Variants in FAM227A observed in about 807,000 individuals in gnomAD.
The protein encoded by FAM227A is family with sequence similarity 227 member A.
In FAM227A, 80 loss-of-function variants were observed where a neutral mutation model predicts 74.7. The observed-to-expected ratio is 1.07, with a 90% confidence interval of 0.89 to 1.29. FAM227A has a LOEUF of 1.29. Among genes scored for constraint, FAM227A ranks in the 50% most tolerant of loss-of-function variants. The probability of loss-of-function intolerance (pLI) is 0.00; values close to 1 mark genes in which losing one functional copy is unlikely to be tolerated. For synonymous variants in FAM227A, 237 were observed against 241.8 expected (o/e 0.98, Z 0.19); for missense variants, 654 against 683.4 (o/e 0.96, Z 0.48).
intron 9 of FAM227A, among the ~76,000 whole-genome samples, 183 bp from the exon 10 acceptor site, chr22:38,623,462 CAA>C (rs1396152733): frequency 6.6e-6 from 1 of 152,194 alleles, no homozygotes. Flanking sequence ...GACGCTTCTG[CAA>C]AAGAGGCCTG....
Position 38,650,201 on chromosome 22 carries a change from G to T in FAM227A, c.-33C>A. Reference sequence around the variant, plus strand: ...TTTCTTGTAAATGGACAAACAAAAAGCTTCCACTTTTAAGAGCCTCTCATT... The same window carrying T: ...TTTCTTGTAAATGGACAAACAAAAATCTTCCACTTTTAAGAGCCTCTCATT... On this transcript the variant is annotated 5_prime_UTR_variant, in exon 2 of 17. Transcript: ENST00000535113. 1 of 1,548,746 alleles carries T rather than the reference G, an allele frequency of 6.5e-7. No individual in the cohort carries two copies. Among genetic ancestry groups the T allele is most frequent in the Non-Finnish European group, 8.7e-7 (1 of 1,145,516 alleles).
At chr22:38,611,526 G>C (rs190388739) in intron 11 of FAM227A, among the ~76,000 whole-genome samples, 2 of 152,156 alleles carry the variant, frequency 1.3e-5, no homozygotes, top group African/African-American at 4.8e-5. Context: ...ACAATCTCTG[G>C]GACATCACCT....
chr22:38,606,807 TTTC>T (rs1345648680), intron 12 of FAM227A, among the ~76,000 whole-genome samples: 2 of 152,162 alleles, frequency 1.3e-5, no homozygotes, highest in African/African-American at 2.4e-5. Flanking sequence ...TTAAATTTAT[TTTC>T]TTCTGGTGTC....
intron 2 of FAM227A, 50 bp downstream of exon 2, chr22:38,649,977 C>T (rs2092300614): frequency 6.5e-7 from 1 of 1,534,122 alleles, no homozygotes; most frequent in Non-Finnish European, 8.8e-7. Context: ...TGGCATGACT[C>T]AAGTTAGGTG....
chr22:38,620,461 A>G (rs1231118009), intron 10 of FAM227A, among the ~76,000 whole-genome samples, 170 bp from the exon 11 acceptor site: 1 of 152,102 alleles, frequency 6.6e-6, no homozygotes, highest in Non-Finnish European at 1.5e-5. Context: ...GTCCTGTTAG[A>G]CTGTGAACAC....
chr22:38,602,244 A>G (rs1357397104), intron 13 of FAM227A, among the ~76,000 whole-genome samples: 1 of 152,120 alleles, frequency 6.6e-6, no homozygotes, highest in African/African-American at 2.4e-5. Context: ...TTGTTGTGGG[A>G]GGCTCTCCTG....
At chr22:38,642,345 G>A (rs1476798746) in intron 3 of FAM227A, among the ~76,000 whole-genome samples, 7 of 152,170 alleles carry the variant, frequency 4.6e-5, no homozygotes, top group African/African-American at 2.4e-5. Context: ...GACACCCTGA[G>A]AGGTAAAAAC....
chr22:38,641,798 A>T (rs1055476606), intron 3 of FAM227A, among the ~76,000 whole-genome samples: 6 of 152,152 alleles, frequency 3.9e-5, no homozygotes, highest in Non-Finnish European at 8.8e-5. Flanking sequence ...AAGTGCAGTT[A>T]AAAATAAGAA....
intron 8 of FAM227A, among the ~76,000 whole-genome samples, chr22:38,626,581 G>C (rs986296796): frequency 1.3e-5 from 2 of 151,722 alleles, no homozygotes; most frequent in Non-Finnish European, 1.5e-5. Flanking sequence ...AAGTAAAATG[G>C]GGCCGGGTGC....
chr22:38,642,440 A>AAC (rs2145689530), intron 3 of FAM227A, among the ~76,000 whole-genome samples: 1 of 152,352 alleles, frequency 6.6e-6, no homozygotes, highest in South Asian at 2.1e-4. Flanking sequence ...ACAAGAGGAG[A>AAC]ACACCTAGGT....
chr22:38,600,282 T>A (rs1455780019), intron 13 of FAM227A, among the ~76,000 whole-genome samples: 3 of 151,256 alleles, frequency 2.0e-5, no homozygotes, highest in Admixed American at 6.6e-5. Context: ...AGTTTGATAG[T>A]GTTTTTTATA....
At position 38,643,050 on chromosome 22, in the gene FAM227A, C is replaced by T. The variant is rs142301836; in HGVS notation, c.225+2513G>A. 5.6e-3 allele frequency among the ~76,000 whole-genome samples: 851 copies of T among 152,156 alleles called. 4 individuals carry two copies. The highest frequency in any genetic ancestry group is 9.4e-3 in the Non-Finnish European group (640 of 67,998). ...GGGCTAAAGGTTGGGCATGGTGGCT[C>T]ACGCCTGTAATCTCAGCACTTTGGG... is the stretch of plus-strand genomic sequence containing the variant. On this transcript the variant is annotated intron_variant, in intron 3 of 16. Coordinates refer to ENST00000535113, the MANE Select transcript of FAM227A (RefSeq NM_001013647.2).
At chr22:38,643,025 G>A (rs537757833) in intron 3 of FAM227A, among the ~76,000 whole-genome samples, 1 of 150,560 alleles carries the variant, frequency 6.6e-6, no homozygotes, top group South Asian at 2.1e-4. Flanking sequence ...ATTTAAAAAT[G>A]GGCTAAAGGT....
Position 38,645,626 on chromosome 22 carries a change from C to A in FAM227A, c.162G>T (p.Met54Ile). 1 of 1,551,180 alleles carries A rather than the reference C, an allele frequency of 6.4e-7. No homozygotes were observed. Among genetic ancestry groups the A allele is most frequent in the South Asian group, 1.2e-5 (1 of 84,010 alleles). The change falls in exon 3 of 17, where the codon ATG (methionine) becomes ATT (isoleucine). Residue 54 changes from methionine (M) to isoleucine (I), a missense_variant. Transcript: ENST00000535113. ...CAGCAATCTTTTGGTTCACCTGGTGCATGGAGCCAATAAGGCATGCTGGGA... is the reference window on the plus strand; with the variant it reads ...CAGCAATCTTTTGGTTCACCTGGTGAATGGAGCCAATAAGGCATGCTGGGA... ...NNPPSCLIGS[M>I]HQVNQKIADI...
chr22:38,609,398 GT>G lies in FAM227A; in HGVS notation c.1039-1923del, dbSNP rs138909061. Among the ~76,000 whole-genome samples, 835 of 152,314 alleles carry G rather than the reference GT, an allele frequency of 5.5e-3. 5 individuals carry two copies. Among genetic ancestry groups the G allele is most frequent in the African/African-American group, 0.019 (807 of 41,564 alleles). ...AACAGATATTGGGAAACAACTCATAGTTGGCCGCAAGTGGTATGAGGAGAGT... is the reference window on the plus strand; with the variant it reads ...AACAGATATTGGGAAACAACTCATAGTGGCCGCAAGTGGTATGAGGAGAGT... On this transcript the variant is annotated intron_variant, in intron 11 of 16. Coordinates refer to ENST00000535113, the MANE Select transcript of FAM227A (RefSeq NM_001013647.2).
At chr22:38,612,798 C>T (rs1438079017) in intron 11 of FAM227A, among the ~76,000 whole-genome samples, 2 of 151,720 alleles carry the variant, frequency 1.3e-5, no homozygotes, top group African/African-American at 4.8e-5. Context: ...CACACTGGCA[C>T]ACAGTAGCAC....
chr22:38,606,177 A>AT (rs201713209), intron 12 of FAM227A, among the ~76,000 whole-genome samples: 39 of 150,820 alleles, frequency 2.6e-4, no homozygotes, highest in East Asian at 1.7e-3. Flanking sequence ...CTAAACTTTT[A>AT]TTTTTTTTTG....
chr22:38,642,806 CAT>C (rs1175848421), intron 3 of FAM227A, among the ~76,000 whole-genome samples: 2 of 151,746 alleles, frequency 1.3e-5, no homozygotes, highest in East Asian at 1.9e-4. Flanking sequence ...CGTGGTGCCA[CAT>C]GTCTGTAATC....
chr22:38,647,471 CAA>C (rs145409758), intron 2 of FAM227A, among the ~76,000 whole-genome samples: 1 of 151,540 alleles, frequency 6.6e-6, no homozygotes, highest in South Asian at 2.1e-4. Context: ...AACGAAACAA[CAA>C]AAAAAAGAAA....
Sources: gnomAD v4.1 joint callset for allele counts (sites outside exome capture counted in the v4.1 genomes callset) on GRCh38, gnomAD v4.1.1 for gene constraint, MANE v1.5 for transcripts, NCBI Gene and HGNC (gene_info 2026-07-23, HGNC 2026-07-21) for gene names.